The following SEMA3B variants were observed in gnomAD, a reference collection of about 807,000 sequenced individuals.
The protein encoded by SEMA3B is semaphorin 3B.
Under a neutral mutation model 77.8 loss-of-function variants are expected in SEMA3B, and 71 were observed. That is an observed-to-expected ratio of 0.91 (90% CI 0.75 to 1.11). SEMA3B has a LOEUF of 1.11. Ranked by LOEUF, SEMA3B falls within the 50% of genes most tolerant of loss-of-function variation. SEMA3B has a pLI of 0.00. For missense variants in SEMA3B, 968 were observed against 1,056.8 expected (o/e 0.92, Z 1.17); for synonymous variants, 470 against 452.9 (o/e 1.04, Z -0.48).
At position 50,273,178 on chromosome 3, in the gene SEMA3B, TG is replaced by T; in HGVS notation, c.665-118del. The stretch of plus-strand genomic sequence containing the variant: ...ACTGGACATGGTGCTAGAGGTTGGG[TG>T]GTCAGACACTGTGATCCCGGGTGCT... On this transcript the variant is annotated intron_variant, in intron 6 of 16. Coordinates refer to ENST00000616701, the MANE Select transcript of SEMA3B (RefSeq NM_001290060.2). The surrounding 1 kb of genome is among the most constrained non-coding windows in gnomAD (Gnocchi z 6.5). The T allele has an allele frequency of 7.1e-7, 1 of 1,405,146 alleles. No individual in the cohort carries two copies. Among genetic ancestry groups the T allele is most frequent in the Non-Finnish European group, 9.6e-7 (1 of 1,044,954 alleles). The allele number at this position is 1,405,146 out of a possible 1,614,324, so 87.0% of individuals were successfully genotyped here.
At chr3:50,264,965 C>A (rs1700874182), upstream of SEMA3B, among the ~76,000 whole-genome samples, 1 of 152,150 alleles carries the variant, frequency 6.6e-6, no homozygotes, top group Non-Finnish European at 1.5e-5. Context: ...GCCAAAGGCC[C>A]AGGGTTCTTG....
chr3:50,265,726 G>T (rs781919858), upstream of SEMA3B, among the ~76,000 whole-genome samples: 41 of 152,312 alleles, frequency 2.7e-4, no homozygotes, highest in Non-Finnish European at 5.0e-4. Context: ...CAGAATCCTC[G>T]AGGAGTTCCA....
At chr3:50,271,625 C>G in intron 6 of SEMA3B, 145 bp downstream of exon 6, 1 of 1,193,816 alleles carries the variant, frequency 8.4e-7, no homozygotes, top group Non-Finnish European at 1.2e-6. Flanking sequence ...GTCACAGAGA[C>G]AGACAAGACA....
chr3:50,268,043 A>G (rs1553704742), upstream of SEMA3B, among the ~76,000 whole-genome samples: 2 of 152,112 alleles, frequency 1.3e-5, no homozygotes, highest in African/African-American at 2.4e-5. Flanking sequence ...AGGGGCTCAA[A>G]GATGGGGAAG....
In SEMA3B at chr3:50,270,497, T is replaced by C. The variant is rs373881187; in HGVS notation, c.330+2T>C. On this transcript the variant is annotated splice_donor_variant, in intron 3 of 16. Coordinates refer to ENST00000616701, the MANE Select transcript of SEMA3B (RefSeq NM_001290060.2). LOFTEE classifies it high-confidence loss of function. This position sits in a 1 kb window ranked among gnomAD's most constrained non-coding sequence, Gnocchi z 4.7. ...AACTGGGCAGGGAAGGACATTGGTG[T>C]GAGTGCCAGCTGCCCGGGCCGGGAG... 1.9e-6 allele frequency: 3 copies of C among 1,613,412 alleles called. No homozygotes were observed. The highest frequency in any genetic ancestry group is 2.5e-6 in the Non-Finnish European group (3 of 1,179,806).
chr3:50,270,078 G>A lies in SEMA3B; in HGVS notation c.110-49G>A, dbSNP rs1269742300. The A allele has an allele frequency of 1.1e-5, 17 of 1,486,796 alleles. No individual in the cohort carries two copies. The highest frequency in any genetic ancestry group is 1.4e-5 in the Non-Finnish European group (16 of 1,115,990). 92.1% of individuals were successfully genotyped at this position (1,486,796 alleles called of 1,614,324 possible). On this transcript the variant is annotated intron_variant, in intron 1 of 16. Transcript: ENST00000616701. The surrounding 1 kb of genome is among the most constrained non-coding windows in gnomAD (Gnocchi z 4.7). ...AGTCACCACCAGGCAGGACCTGGGG[G>A]AGGCTTCCAGCATGGCTGGCGAGTC...
At position 50,274,906 on chromosome 3, in the gene SEMA3B, T is replaced by C; in HGVS notation, c.1421T>C (p.Leu474Pro). The change falls in exon 12 of 17, where the codon CTG becomes CCG. Residue 474 changes from leucine (L) to proline (P), a missense_variant. Physicochemically the swap from Leu to Pro is moderately conservative, Grantham distance 98. Coordinates refer to ENST00000616701, the MANE Select transcript of SEMA3B (RefSeq NM_001290060.2). This position sits in a 1 kb window ranked among gnomAD's most constrained non-coding sequence, Gnocchi z 4.7. ...GGCAGTAGGCCCAGCGCAGAGGGGC[T>C]GCTCCTGGAGGAGCTGCACGTGTTT... ...PKGSRPSAEG[L>P]LLEELHVFED... is the part of the protein sequence containing the mutation. 6.2e-7 allele frequency: 1 copy of C among 1,610,758 alleles called. No homozygotes were observed. Among genetic ancestry groups the C allele is most frequent in the African/African-American group, 1.3e-5 (1 of 74,994 alleles).
In SEMA3B at chr3:50,275,973, C is replaced by T; in HGVS notation, c.1845+129C>T. Reference sequence around the variant, plus strand: ...CCGCCCTGTCCAGTTTGGTCCCTCACCTGCACTCCACAAGCTGCTGAGGCC... The same window carrying T: ...CCGCCCTGTCCAGTTTGGTCCCTCATCTGCACTCCACAAGCTGCTGAGGCC... On this transcript the variant is annotated intron_variant, in intron 16 of 16. Transcript: ENST00000616701. This position sits in a 1 kb window ranked among gnomAD's most constrained non-coding sequence, Gnocchi z 7.5. 1 of 1,243,146 alleles carries T rather than the reference C, an allele frequency of 8.0e-7. No individual in the cohort carries two copies. The highest frequency in any genetic ancestry group is 1.1e-6 in the Non-Finnish European group (1 of 924,524). The allele number at this position is 1,243,146 out of a possible 1,614,324, so 77.0% of individuals were successfully genotyped here.
At chr3:50,261,794 C>A in the SEMA3B span, 1 of 152,378 alleles carries the variant, frequency 6.6e-6, no homozygotes, top group African/African-American at 2.4e-5. Context: ...CCACCCCACC[C>A]AAACTGAGTG....
At position 50,276,264 on chromosome 3, in the gene SEMA3B, G is replaced by T; in HGVS notation, c.1846-38G>T. The T allele has an allele frequency of 6.9e-7, 1 of 1,443,962 alleles. No individual in the cohort carries two copies. The highest frequency in any genetic ancestry group is 9.1e-7 in the Non-Finnish European group (1 of 1,103,038). The allele number at this position is 1,443,962 out of a possible 1,614,324, so 89.4% of individuals were successfully genotyped here. A position where few individuals can be genotyped will look rare whatever the true frequency, so the allele number is the denominator to read the frequency against. ...CTAGGGCCCGGAAGCCCTGTTCCCG[G>T]CCCGACACCCCCGCCTCACGCTGCC... is the stretch of plus-strand genomic sequence containing the variant. On this transcript the variant is annotated intron_variant, in intron 16 of 16. Transcript: ENST00000616701. The surrounding 1 kb of genome is among the most constrained non-coding windows in gnomAD (Gnocchi z 5.8).
chr3:50,267,268 C>T (rs1700917403), upstream of SEMA3B: 1 of 152,284 alleles, frequency 6.6e-6, no homozygotes, highest in Non-Finnish European at 1.5e-5. The surrounding 1 kb of genome is among the most constrained non-coding windows in gnomAD (Gnocchi z 5.7). Flanking sequence ...TATCTTTCCC[C>T]ACAGCTCCCC....
At chr3:50,268,593 A>T (rs1218891419), upstream of SEMA3B, among the ~76,000 whole-genome samples, 1 of 152,230 alleles carries the variant, frequency 6.6e-6, no homozygotes, top group African/African-American at 2.4e-5. Context: ...ACATGCGCAC[A>T]TCACAAGGGG....
rs587662795 is a variant in SEMA3B, at chr3:50,270,726, G to A, written c.331-164G>A. The A allele has an allele frequency of 1.0e-5, 13 of 1,268,182 alleles. No individual in the cohort carries two copies. The highest frequency in any genetic ancestry group is 9.0e-5 in the African/African-American group (6 of 67,036). 78.6% of individuals were successfully genotyped at this position (1,268,182 alleles called of 1,614,324 possible). On this transcript the variant is annotated intron_variant, in intron 3 of 16. Transcript: ENST00000616701. This position sits in a 1 kb window ranked among gnomAD's most constrained non-coding sequence, Gnocchi z 4.7. ...TGTGCTTCCCCAGACACCCACCCTC[G>A]TGAGGCCTGGGCTGGTCAGCAAGGG... is the stretch of plus-strand genomic sequence containing the variant.
chr3:50,275,558 A>T lies in SEMA3B; in HGVS notation c.1650-2A>T. On this transcript the variant is annotated splice_acceptor_variant, in intron 14 of 16. Transcript: ENST00000616701. LOFTEE classifies it high-confidence loss of function. This position sits in a 1 kb window ranked among gnomAD's most constrained non-coding sequence, Gnocchi z 7.5. ...TCACAGAAGATCGGATGTTCCCCAC[A>T]GGCGGTTCCGGCGGCAAGACGTAAG... 6.2e-7 allele frequency: 1 copy of T among 1,613,722 alleles called. No individual in the cohort carries two copies. Among genetic ancestry groups the T allele is most frequent in the Non-Finnish European group, 8.5e-7 (1 of 1,179,890 alleles).
At chr3:50,265,204 A>G (rs1700876155), upstream of SEMA3B, among the ~76,000 whole-genome samples, 2 of 152,150 alleles carry the variant, frequency 1.3e-5, no homozygotes, top group African/African-American at 2.4e-5. Flanking sequence ...TGATGATCCT[A>G]TGGCCGCCCA....
In SEMA3B at chr3:50,269,770, C is replaced by T. The variant is rs1277641625; in HGVS notation, c.110-357C>T. On this transcript the variant is annotated intron_variant, in intron 1 of 16. Transcript: ENST00000616701. The surrounding 1 kb of genome is among the most constrained non-coding windows in gnomAD (Gnocchi z 4.0). The stretch of plus-strand genomic sequence containing the variant: ...GGTGGAGTGGCAGGAAAGGAACTCT[C>T]AGCCTGACTTTTGGGAGTTGGGGTT... Among the ~76,000 whole-genome samples the T allele has an allele frequency of 6.6e-6, 1 of 152,184 alleles. No homozygotes were observed. The highest frequency in any genetic ancestry group is 1.5e-5 in the Non-Finnish European group (1 of 68,028).
In SEMA3B at chr3:50,273,944, T is replaced by C. The variant is rs1041124049; in HGVS notation, c.1024T>C (p.Tyr342His). 1 of 1,613,334 alleles carries C rather than the reference T, an allele frequency of 6.2e-7. No individual in the cohort carries two copies. The highest frequency in any genetic ancestry group is 1.7e-5 in the Admixed American group (1 of 59,930). Residue 342 changes from tyrosine to histidine, a missense_variant, in exon 10 of 17, where the codon TAC (tyrosine) becomes CAC (histidine). Tyr to His is a moderately conservative substitution (Grantham distance 83). Coordinates refer to ENST00000616701, the MANE Select transcript of SEMA3B (RefSeq NM_001290060.2). This position sits in a 1 kb window ranked among gnomAD's most constrained non-coding sequence, Gnocchi z 6.5. ...CTTCCAGGGCTCTGCGGTGTGCGTG[T>C]ACAGCATGAACGACGTGCGCCGGGC... ...SIFQGSAVCV[Y>H]SMNDVRRAFL...
chr3:50,273,822 C>T lies in SEMA3B; in HGVS notation c.986C>T (p.Thr329Met), dbSNP rs781794425. The T allele has an allele frequency of 1.9e-6, 3 of 1,579,692 alleles. No homozygotes were observed. Among genetic ancestry groups the T allele is most frequent in the Admixed American group, 1.8e-5 (1 of 55,262 alleles). Residue 329 changes from threonine (T) to methionine (M), a missense_variant, in exon 9 of 17, where the codon ACG becomes ATG. Transcript: ENST00000616701. The surrounding 1 kb of genome is among the most constrained non-coding windows in gnomAD (Gnocchi z 6.5). ...RTPLLYAVFS[T>M]SSSIFQGSAV... ...CCGCTGCTCTATGCCGTCTTCTCCACGTCCAGGTGAGGGGCAGGAGGTAGG... is the reference window on the plus strand; with the variant it reads ...CCGCTGCTCTATGCCGTCTTCTCCATGTCCAGGTGAGGGGCAGGAGGTAGG...
upstream of SEMA3B, among the ~76,000 whole-genome samples, chr3:50,268,106 G>A (rs376057800): frequency 2.0e-5 from 3 of 152,192 alleles, no homozygotes; most frequent in East Asian, 1.9e-4. Context: ...CTGTGGAGGC[G>A]TTGAGAGGGA....
Sources: allele counts gnomAD v4.1 joint callset (sites outside exome capture counted in the v4.1 genomes callset), GRCh38; gene constraint gnomAD v4.1.1; non-coding constraint Gnocchi (gnomAD v3.1); transcripts MANE v1.5; gene names NCBI Gene and HGNC (gene_info 2026-07-23, HGNC 2026-07-21).